NFIC: variants seen among roughly 807,000 people sequenced by gnomAD.
NFIC encodes the protein nuclear factor I C, also known as nuclear factor 1 C-type.
In NFIC, 12 loss-of-function variants were observed where a neutral mutation model predicts 54.4. The ratio of observed to expected loss-of-function variants is 0.22; its 90% CI spans 0.14 to 0.36. NFIC has a LOEUF of 0.36. Among genes scored for constraint, NFIC ranks in the 10% least tolerant of loss-of-function variants. The probability of loss-of-function intolerance (pLI) is 1.00; values close to 1 mark genes in which losing one functional copy is unlikely to be tolerated. For missense variants in NFIC, 575 were observed against 718.2 expected (o/e 0.80, Z 2.28); for synonymous variants, 322 against 319.2 (o/e 1.01, Z -0.09).
rs1041899808 is a variant in NFIC, at chr19:3,459,696, G to A, written c.1510-3056G>A. ...AAGGGAGGAGGGAGGAAGGGCTGAGGGGAGGCTGGTCCACCACGGGGAGGG... is the reference window on the plus strand; with the variant it reads ...AAGGGAGGAGGGAGGAAGGGCTGAGAGGAGGCTGGTCCACCACGGGGAGGG... On this transcript the variant is annotated intron_variant, in intron 10 of 10. Coordinates refer to ENST00000443272, the MANE Select transcript of NFIC (RefSeq NM_001245002.2). The surrounding 1 kb of genome is among the most constrained non-coding windows in gnomAD (Gnocchi z 4.2). 2.0e-5 allele frequency among the ~76,000 whole-genome samples: 3 copies of A among 152,216 alleles called. No individual in the cohort carries two copies. Among genetic ancestry groups the A allele is most frequent in the African/African-American group, 4.8e-5 (2 of 41,460 alleles).
chr19:3,399,231 A>C (rs1433544958), intron 2 of NFIC, among the ~76,000 whole-genome samples: 1 of 152,208 alleles, frequency 6.6e-6, no homozygotes, highest in East Asian at 1.9e-4. Flanking sequence ...CATCTATAAA[A>C]TAGCGCCTGC....
At chr19:3,363,267 ATATTTTT>A (rs1170225030), upstream of NFIC, among the ~76,000 whole-genome samples, 162 of 47,040 alleles carry the variant, frequency 3.4e-3, no homozygotes, top group African/African-American at 0.015. Flanking sequence ...ATATATATAT[ATATTTTT>A]TTTTTTTTTT....
At position 3,449,017 on chromosome 19, in the gene NFIC, T is replaced by A. The variant is rs778775100; in HGVS notation, c.962T>A (p.Ile321Asn). The stretch of plus-strand genomic sequence containing the variant: ...TCTCGTCCCATCCCCTCCACAGGCA[T>A]CTCGTCCCCGGTGAAGAAGACAGAG... ...RNWTEDMEGGISSPVKKTEMD... is the reference protein window; with the variant it reads ...RNWTEDMEGGNSSPVKKTEMD... The change falls in exon 7 of 11, where the codon ATC becomes AAC. Residue 321 changes from isoleucine to asparagine, a missense_variant. Coordinates refer to ENST00000443272, the MANE Select transcript of NFIC (RefSeq NM_001245002.2). The A allele has an allele frequency of 6.2e-7, 1 of 1,612,442 alleles. No homozygotes were observed. Among genetic ancestry groups the A allele is most frequent in the South Asian group, 1.1e-5 (1 of 90,848 alleles).
At chr19:3,395,900 G>A (rs531817521) in intron 2 of NFIC, among the ~76,000 whole-genome samples, 2 of 152,138 alleles carry the variant, frequency 1.3e-5, no homozygotes, top group East Asian at 3.9e-4. Flanking sequence ...GGCTGGTCTT[G>A]AACTCCTGAC....
At chr19:3,426,499 C>A (rs1286454126) in intron 3 of NFIC, among the ~76,000 whole-genome samples, 1 of 152,172 alleles carries the variant, frequency 6.6e-6, no homozygotes, top group Non-Finnish European at 1.5e-5. Flanking sequence ...CCAGCTCCTG[C>A]CCTTGGCCCC....
At chr19:3,383,234 C>T (rs1458525685) in intron 2 of NFIC, among the ~76,000 whole-genome samples, 1 of 152,160 alleles carries the variant, frequency 6.6e-6, no homozygotes, top group African/African-American at 2.4e-5. Context: ...GAGCCTGGCC[C>T]TGCCAGAGGG....
At chr19:3,437,863 GA>G (rs1396716537) in intron 6 of NFIC, among the ~76,000 whole-genome samples, 3 of 151,862 alleles carry the variant, frequency 2.0e-5, no homozygotes, top group Non-Finnish European at 2.9e-5. Context: ...ATTTTTAGTA[GA>G]GACGGTTTTT....
chr19:3,371,890 T>G (rs1260870430), intron 1 of NFIC, among the ~76,000 whole-genome samples: 1 of 73,110 alleles, frequency 1.4e-5, no homozygotes, highest in Non-Finnish European at 3.3e-5. Context: ...TCTCCTTCCT[T>G]CCTTCCTTCC....
intron 6 of NFIC, among the ~76,000 whole-genome samples, chr19:3,441,550 A>G (rs1439784855): frequency 6.6e-6 from 1 of 152,230 alleles, no homozygotes; most frequent in South Asian, 2.1e-4. Flanking sequence ...CTGAAGTCCC[A>G]AGGGGGACGC....
chr19:3,415,353 T>C (rs2081837327), intron 2 of NFIC, among the ~76,000 whole-genome samples: 1 of 151,450 alleles, frequency 6.6e-6, no homozygotes, highest in South Asian at 2.1e-4. Context: ...ACCCCTGACC[T>C]CAAGTAATCC....
chr19:3,377,164 T>TAA lies in NFIC; in HGVS notation c.31-4538_31-4537dup, dbSNP rs35751792. On this transcript the variant is annotated intron_variant, in intron 1 of 10. Coordinates refer to ENST00000443272, the MANE Select transcript of NFIC (RefSeq NM_001245002.2). ...TAACACAGTGAACCCCCGTCTCTAC[T>TAA]AAAAAAAAAAATACAAAAAATTAGT... is the stretch of plus-strand genomic sequence containing the variant. 3.4e-4 allele frequency among the ~76,000 whole-genome samples: 48 copies of TAA among 143,194 alleles called. No individual in the cohort carries two copies. In the East Asian group the frequency reaches 4.5e-3, roughly 13 times the overall value. The allele number at this position is 143,194 out of a possible 152,430, so 93.9% of individuals were successfully genotyped here.
At chr19:3,429,253 T>TATACAC (rs1214634239) in intron 3 of NFIC, among the ~76,000 whole-genome samples, 2 of 50,798 alleles carry the variant, frequency 3.9e-5, no homozygotes, top group African/African-American at 9.1e-5. Flanking sequence ...AAAAAATATA[T>TATACAC]ACACACACAC....
chr19:3,456,043 T>A lies in NFIC; in HGVS notation c.1424-507T>A, dbSNP rs28528955. ...CCCTGCTGTAGCCCCAGGCCGTGAG[T>A]TACTCACACGCCGACAAAATATAAT... On this transcript the variant is annotated intron_variant, in intron 9 of 10. Transcript: ENST00000443272. Among the ~76,000 whole-genome samples, 1,421 of 152,084 alleles carry A rather than the reference T, an allele frequency of 9.3e-3. 21 individuals are homozygous for A. The highest frequency in any genetic ancestry group is 0.032 in the African/African-American group (1,338 of 41,470).
In NFIC at chr19:3,413,550, C is replaced by T. The variant is rs1476426538; in HGVS notation, c.563-11556C>T. Among the ~76,000 whole-genome samples the T allele has an allele frequency of 3.3e-5, 5 of 151,962 alleles. No homozygotes were observed. In the East Asian group the frequency reaches 7.7e-4, roughly 24 times the overall value. ...GTCCCCCATATGGGGACGGTAATCA[C>T]GTGTCTGCTGCAGAGGAGTTACAAA... On this transcript the variant is annotated intron_variant, in intron 2 of 10. Transcript: ENST00000443272.
intron 1 of NFIC, among the ~76,000 whole-genome samples, chr19:3,368,757 T>G (rs1034977316): frequency 6.6e-6 from 1 of 152,166 alleles, no homozygotes; most frequent in Non-Finnish European, 1.5e-5. Flanking sequence ...TGGGGTGGGC[T>G]GGGGGACTCA....
At chr19:3,364,115 T>TA (rs2080852729), upstream of NFIC, among the ~76,000 whole-genome samples, 1 of 151,264 alleles carries the variant, frequency 6.6e-6, no homozygotes. Context: ...CTGGGACAGT[T>TA]ACAGAGATGC....
intron 6 of NFIC, 83 bp from the exon 7 acceptor site, chr19:3,448,931 C>T: frequency 6.6e-7 from 1 of 1,518,652 alleles, no homozygotes; most frequent in African/African-American, 1.4e-5. Flanking sequence ...GCTTCCTATC[C>T]CTTCGGAGGC....
In NFIC at chr19:3,437,602, C is replaced by T. The variant is rs1238266368; in HGVS notation, c.958+2395C>T. 2.0e-5 allele frequency among the ~76,000 whole-genome samples: 3 copies of T among 147,766 alleles called. No individual in the cohort carries two copies. The Admixed American group carries it at 2.1e-4, about 10-fold the overall frequency. Reference sequence around the variant, plus strand: ...TGTTTTGAGAGATCACGCCAGTGCACGCCAGCCTGGGCAACAGAACGAGAC... The same window carrying T: ...TGTTTTGAGAGATCACGCCAGTGCATGCCAGCCTGGGCAACAGAACGAGAC... On this transcript the variant is annotated intron_variant, in intron 6 of 10. Coordinates refer to ENST00000443272, the MANE Select transcript of NFIC (RefSeq NM_001245002.2).
At chr19:3,431,256 T>C (rs1333006006) in intron 3 of NFIC, among the ~76,000 whole-genome samples, 2 of 151,366 alleles carry the variant, frequency 1.3e-5, no homozygotes, top group East Asian at 3.9e-4. Context: ...ACCCCTGAGC[T>C]CAGGTGATCC....
Sources: gnomAD v4.1 joint callset for allele counts (sites outside exome capture counted in the v4.1 genomes callset) on GRCh38, gnomAD v4.1.1 for gene constraint, Gnocchi (gnomAD v3.1) non-coding constraint, MANE v1.5 for transcripts, NCBI Gene and HGNC (gene_info 2026-07-23, HGNC 2026-07-21) for gene names.